PRKCA: variants seen among roughly 807,000 people sequenced by gnomAD.
PRKCA encodes the protein protein kinase C alpha, also known as protein kinase C alpha type.
Under a neutral mutation model 87.0 loss-of-function variants are expected in PRKCA, and 27 were observed. The ratio of observed to expected loss-of-function variants is 0.31; its 90% confidence interval spans 0.23 to 0.43. PRKCA has a LOEUF of 0.43. PRKCA is among the 20% of genes least tolerant of loss of function. The probability of loss-of-function intolerance (pLI) is 1.00; values close to 1 mark genes in which losing one functional copy is unlikely to be tolerated. For synonymous variants in PRKCA, 329 were observed against 311.1 expected (o/e 1.06, Z -0.61); for missense variants, 518 against 852.3 (o/e 0.61, Z 4.88).
At chr17:66,558,814 C>T (rs1320391065) in intron 3 of PRKCA, among the ~76,000 whole-genome samples, 1 of 152,014 alleles carries the variant, frequency 6.6e-6, no homozygotes, top group Non-Finnish European at 1.5e-5. Flanking sequence ...CGAAAGCAGC[C>T]GACGGTGAAG....
intron 16 of PRKCA, among the ~76,000 whole-genome samples, chr17:66,789,940 A>C (rs577992764): frequency 2.6e-5 from 4 of 152,288 alleles, no homozygotes; most frequent in Admixed American, 1.3e-4. Context: ...TCCTGTTTCT[A>C]AGGGCCGGGC....
intron 2 of PRKCA, among the ~76,000 whole-genome samples, chr17:66,371,647 A>G (rs1406984357): frequency 1.3e-5 from 2 of 152,198 alleles, no homozygotes; most frequent in Non-Finnish European, 2.9e-5. Context: ...ATCAATTACT[A>G]TGTGTAAAAA....
At chr17:66,372,875 G>A (rs1598622389) in intron 2 of PRKCA, among the ~76,000 whole-genome samples, 1 of 152,064 alleles carries the variant, frequency 6.6e-6, no homozygotes, top group African/African-American at 2.4e-5. Context: ...TGCCCAACAC[G>A]GTGAAAACCC....
At chr17:66,320,953 C>G (rs1905619050) in intron 2 of PRKCA, among the ~76,000 whole-genome samples, 1 of 152,120 alleles carries the variant, frequency 6.6e-6, no homozygotes, top group Non-Finnish European at 1.5e-5. Flanking sequence ...GTAACTCTAT[C>G]CTTAAAATTG....
rs189550171 is a variant in PRKCA at position 66,686,610 on chromosome 17, T to C, written c.530-501T>C. Among the ~76,000 whole-genome samples, 15 of 152,198 alleles carry C rather than the reference T, an allele frequency of 9.9e-5. 1 individual carries two copies. The highest frequency in any genetic ancestry group is 6.2e-4 in the South Asian group (3 of 4,816). On this transcript the variant is annotated intron_variant, in intron 5 of 16. Transcript: ENST00000413366. ...TTCCCCAACCCCCATGTGATTCCAA[T>C]GTACAGTCAGAGTTGGAAGCCATTG...
chr17:66,759,599 A>G (rs139648808), intron 13 of PRKCA, among the ~76,000 whole-genome samples: 83 of 152,300 alleles, frequency 5.4e-4, no homozygotes, highest in African/African-American at 1.9e-3. Flanking sequence ...ATCCAGTTAT[A>G]TCACAAATAA....
At chr17:66,534,500 T>C (rs796141239) in intron 3 of PRKCA, among the ~76,000 whole-genome samples, 18 of 152,170 alleles carry the variant, frequency 1.2e-4, no homozygotes, top group African/African-American at 4.3e-4. Flanking sequence ...ACCCCATCTC[T>C]ACTAAAAATA....
intron 16 of PRKCA, among the ~76,000 whole-genome samples, chr17:66,790,126 G>A (rs1218437978): frequency 6.6e-6 from 1 of 152,200 alleles, no homozygotes; most frequent in African/African-American, 2.4e-5. Flanking sequence ...GCAGGCCAGG[G>A]GACCCACCTG....
intron 2 of PRKCA, among the ~76,000 whole-genome samples, chr17:66,468,533 A>C (rs1180896043): frequency 6.6e-6 from 1 of 152,174 alleles, no homozygotes; most frequent in Non-Finnish European, 1.5e-5. Context: ...GCTGAGAAAC[A>C]TGGGCACCCT....
chr17:66,667,704 G>A (rs946429400), intron 5 of PRKCA, among the ~76,000 whole-genome samples: 4 of 152,218 alleles, frequency 2.6e-5, no homozygotes, highest in Admixed American at 6.5e-5. Context: ...GAAAGCAAAG[G>A]TAAGAGTGTC....
chr17:66,467,890 T>TA (rs76621169), intron 2 of PRKCA, among the ~76,000 whole-genome samples: 377 of 146,026 alleles, frequency 2.6e-3, no homozygotes, highest in African/African-American at 7.6e-3. Context: ...AACAAAAAAT[T>TA]AAAAAAAAAA....
chr17:66,512,212 C>T (rs1046477175), intron 3 of PRKCA, among the ~76,000 whole-genome samples: 20 of 152,130 alleles, frequency 1.3e-4, no homozygotes, highest in African/African-American at 4.6e-4. Flanking sequence ...CAGTGCCCTC[C>T]TCTTAACCAC....
At chr17:66,477,298 G>A (rs1915574997) in intron 2 of PRKCA, among the ~76,000 whole-genome samples, 2 of 152,212 alleles carry the variant, frequency 1.3e-5, no homozygotes. Context: ...AAACGTAACA[G>A]CAGCATGTAG....
At chr17:66,717,226 C>A (rs111777913) in intron 8 of PRKCA, among the ~76,000 whole-genome samples, 5 of 152,304 alleles carry the variant, frequency 3.3e-5, no homozygotes, top group African/African-American at 1.2e-4. Flanking sequence ...CCAGCGGCTG[C>A]CTGTCTTCAC....
intron 16 of PRKCA, among the ~76,000 whole-genome samples, chr17:66,793,590 CAAAAAAAAAAA>C (rs1168440797): frequency 9.7e-5 from 5 of 51,572 alleles, no homozygotes; most frequent in South Asian, 9.5e-4. Flanking sequence ...AACTCCGTCT[CAAAAAAAAAAA>C]AAAAAAAAAA....
intron 2 of PRKCA, among the ~76,000 whole-genome samples, chr17:66,336,933 C>T (rs539846619): frequency 2.0e-5 from 3 of 152,028 alleles, no homozygotes; most frequent in Admixed American, 6.5e-5. Flanking sequence ...GGGTTACAGG[C>T]GCCCGCCACC....
intron 13 of PRKCA, among the ~76,000 whole-genome samples, chr17:66,765,651 C>T (rs1332471023): frequency 4.0e-5 from 6 of 151,300 alleles, no homozygotes; most frequent in African/African-American, 1.5e-4. Flanking sequence ...TCAGTTTGGA[C>T]TAGCCACATT....
intron 3 of PRKCA, among the ~76,000 whole-genome samples, chr17:66,557,338 A>G (rs1204370059): frequency 6.6e-6 from 1 of 151,944 alleles, no homozygotes; most frequent in East Asian, 1.9e-4. Flanking sequence ...TGTTAGTAAT[A>G]TATTTTATTC....
At chr17:66,734,593 C>G (rs61760354) in intron 9 of PRKCA, among the ~76,000 whole-genome samples, 4,030 of 152,264 alleles carry the variant, frequency 0.026, 58 homozygotes, top group Non-Finnish European at 0.03. Flanking sequence ...TTTACTGTAT[C>G]CTGTTTTATC....
Sources: gnomAD v4.1 joint callset for allele counts (sites outside exome capture counted in the v4.1 genomes callset) on GRCh38, gnomAD v4.1.1 for gene constraint, MANE v1.5 for transcripts, NCBI Gene and HGNC (gene_info 2026-07-23, HGNC 2026-07-21) for gene names.